ENPP3: variants seen among roughly 807,000 people sequenced by gnomAD.
ENPP3 encodes the protein ectonucleotide pyrophosphatase/phosphodiesterase 3, also known as ectonucleotide pyrophosphatase/phosphodiesterase family member 3.
A neutral mutation model predicts 117.8 loss-of-function variants in ENPP3; 104 were observed. The ratio of observed to expected loss-of-function variants is 0.88; its 90% CI spans 0.75 to 1.04. The LOEUF is 1.04. Ranked by LOEUF, ENPP3 falls within the 50% of genes least tolerant of loss-of-function variation. ENPP3 has a pLI of 0.00. For missense variants in ENPP3, 1,026 were observed against 1,051.9 expected (o/e 0.98, Z 0.34); for synonymous variants, 380 against 349.9 (o/e 1.09, Z -0.96).
chr6:131,678,957 C>CTTTCTTTCTTTT (rs1562446582), intron 11 of ENPP3, among the ~76,000 whole-genome samples: 1 of 103,040 alleles, frequency 9.7e-6, no homozygotes, highest in Admixed American at 1.0e-4. Flanking sequence ...TTCTTTCTTT[C>CTTTCTTTCTTTT]TTTCCTTCCT....
chr6:131,642,650 CA>C (rs1291200472), intron 2 of ENPP3, among the ~76,000 whole-genome samples: 1 of 152,040 alleles, frequency 6.6e-6, no homozygotes, highest in East Asian at 1.9e-4. Flanking sequence ...CAGCTTACCG[CA>C]GCCTCGATCT....
intron 11 of ENPP3, 70 bp downstream of exon 11, chr6:131,678,010 T>G: frequency 2.3e-6 from 2 of 881,572 alleles, no homozygotes; most frequent in Non-Finnish European, 3.7e-6. Context: ...CAAAACAAGA[T>G]AGTATTCTTT....
At chr6:131,701,135 C>T in intron 15 of ENPP3, 1 of 682,034 alleles carries the variant, frequency 1.5e-6, no homozygotes, top group Non-Finnish European at 2.4e-6. Flanking sequence ...AGGAGATGGG[C>T]TTGGCTGGAT....
intron 5 of ENPP3, among the ~76,000 whole-genome samples, chr6:131,654,882 A>G (rs1320108796): frequency 1.3e-5 from 2 of 152,114 alleles, no homozygotes; most frequent in Admixed American, 1.3e-4. Context: ...AGAGTAAAGG[A>G]TTAGAATAAA....
At chr6:131,658,470 G>C in intron 6 of ENPP3, 50 bp downstream of exon 6, 2 of 978,088 alleles carry the variant, frequency 2.0e-6, no homozygotes, top group East Asian at 2.4e-5. Flanking sequence ...CACCTAGTTA[G>C]TCAATCTCTA....
chr6:131,724,364 A>G (rs1780106439), intron 19 of ENPP3, among the ~76,000 whole-genome samples: 1 of 152,150 alleles, frequency 6.6e-6, no homozygotes, highest in East Asian at 1.9e-4. Context: ...CTTAGATGTA[A>G]GCAGACTGAG....
chr6:131,653,060 T>G (rs997771435), intron 5 of ENPP3, among the ~76,000 whole-genome samples, 169 bp downstream of exon 5: 8 of 152,244 alleles, frequency 5.3e-5, no homozygotes, highest in African/African-American at 1.7e-4. Context: ...AATGGACTTT[T>G]GTTTGCTTTA....
At chr6:131,687,907 G>A (rs527624526) in intron 14 of ENPP3, among the ~76,000 whole-genome samples, 6 of 152,238 alleles carry the variant, frequency 3.9e-5, no homozygotes, top group Non-Finnish European at 5.9e-5. Flanking sequence ...TTTGAGTATG[G>A]GGGTATACAG....
Position 131,740,362 on chromosome 6 carries a change from C to T in ENPP3, c.2439C>T (p.Thr813=). The T allele has an allele frequency of 6.2e-7, 1 of 1,609,786 alleles. No homozygotes were observed. Among genetic ancestry groups the T allele is most frequent in the Non-Finnish European group, 8.5e-7 (1 of 1,178,000 alleles). ...VLPFIIPHRP[T]NVESCPEGKP... is the part of the protein sequence containing the mutation. Reference sequence around the variant, plus strand: ...CCTTTATCATCCCTCACCGACCTACCAACGTGGAGAGCTGTCCTGTGAGTA... The same window carrying T: ...CCTTTATCATCCCTCACCGACCTACTAACGTGGAGAGCTGTCCTGTGAGTA... Residue 813 remains threonine (T), a synonymous_variant, in exon 24 of 25, where the codon ACC becomes ACT. Transcript: ENST00000357639.
At chr6:131,733,503 A>G in intron 20 of ENPP3, 85 bp from the exon 21 acceptor site, 3 of 1,426,036 alleles carry the variant, frequency 2.1e-6, no homozygotes, top group African/African-American at 1.4e-5. Context: ...TAAATGAAAA[A>G]CATTCTAGGG....
chr6:131,694,506 A>G (rs896243517), intron 15 of ENPP3, among the ~76,000 whole-genome samples: 1 of 152,170 alleles, frequency 6.6e-6, no homozygotes, highest in African/African-American at 2.4e-5. Context: ...TTTAATATGT[A>G]TGAATGTAAT....
At chr6:131,647,721 T>C (rs1046252893) in intron 2 of ENPP3, among the ~76,000 whole-genome samples, 14 of 152,174 alleles carry the variant, frequency 9.2e-5, no homozygotes, top group African/African-American at 3.4e-4. Context: ...AAGATAAATT[T>C]TTTTAATGTT....
Position 131,747,245 on chromosome 6 carries a change from A to G in ENPP3, c.*289A>G, listed in dbSNP as rs1780656196. On this transcript the variant is annotated 3_prime_UTR_variant, in exon 25 of 25. Coordinates refer to ENST00000357639, the MANE Select transcript of ENPP3 (RefSeq NM_005021.5). ...TTATACCTTCCTTATTACTTGTTTT[A>G]TCTTACTCAGAATCTTTGAATATAT... 5.6e-6 allele frequency: 1 copy of G among 179,316 alleles called. No homozygotes were observed. Among genetic ancestry groups the G allele is most frequent in the African/African-American group, 2.4e-5 (1 of 42,532 alleles). 11.1% of individuals were successfully genotyped at this position (179,316 alleles called of 1,614,324 possible). A position where few individuals can be genotyped will look rare whatever the true frequency, so the allele number is the denominator to read the frequency against.
At chr6:131,675,801 CA>C (rs1562444215) in intron 9 of ENPP3, among the ~76,000 whole-genome samples, 1 of 152,134 alleles carries the variant, frequency 6.6e-6, no homozygotes, top group African/African-American at 2.4e-5. Flanking sequence ...GGGGCTCCTG[CA>C]GTGTAGTCCA....
At chr6:131,680,141 A>G (rs1778993249) in intron 11 of ENPP3, among the ~76,000 whole-genome samples, 1 of 152,220 alleles carries the variant, frequency 6.6e-6, no homozygotes. Flanking sequence ...GTGGGGAGAG[A>G]CAGGTTAGCT....
At chr6:131,668,536 C>T (rs1778671759) in intron 6 of ENPP3, among the ~76,000 whole-genome samples, 1 of 152,216 alleles carries the variant, frequency 6.6e-6, no homozygotes, top group South Asian at 2.1e-4. Context: ...TTGATCTGTA[C>T]ATTCTCTGGT....
intron 11 of ENPP3, 26 bp from the exon 12 acceptor site, chr6:131,683,028 A>G (rs746824484): frequency 1.5e-6 from 2 of 1,378,106 alleles, no homozygotes; most frequent in Non-Finnish European, 2.1e-6. Context: ...TCATTACGAC[A>G]ATCTTAACTC....
At chr6:131,637,618 A>G (rs1777953595) in intron 1 of ENPP3, among the ~76,000 whole-genome samples, 156 bp downstream of exon 1, 1 of 152,208 alleles carries the variant, frequency 6.6e-6, no homozygotes, top group African/African-American at 2.4e-5. Context: ...ATGCAAATTA[A>G]TATCTTAAAT....
intron 6 of ENPP3, among the ~76,000 whole-genome samples, chr6:131,663,155 CTT>C (rs1285590546): frequency 7.1e-6 from 1 of 141,706 alleles, no homozygotes. Context: ...ATGTGGTTGC[CTT>C]TTTTTTTTTT....
Sources: gnomAD v4.1 joint callset for allele counts (sites outside exome capture counted in the v4.1 genomes callset) on GRCh38, gnomAD v4.1.1 for gene constraint, MANE v1.5 for transcripts, NCBI Gene and HGNC (gene_info 2026-07-23, HGNC 2026-07-21) for gene names.